Variants in CCDC66 observed in about 807,000 individuals in gnomAD.
CCDC66 encodes the protein coiled-coil domain containing 66.
In CCDC66, 133 loss-of-function variants were observed where a neutral mutation model predicts 128.3. That is an observed-to-expected ratio of 1.04 (90% CI 0.90 to 1.20). The LOEUF is 1.20. CCDC66 is among the 50% of genes most tolerant of loss of function. The probability of loss-of-function intolerance (pLI) is 0.00; values close to 1 mark genes in which losing one functional copy is unlikely to be tolerated. For missense variants in CCDC66, 1,126 were observed against 1,075.5 expected (o/e 1.05, Z -0.66); for synonymous variants, 387 against 357.0 (o/e 1.08, Z -0.95).
rs964260528 is a variant in CCDC66, at chr3:56,582,438, C to G, written c.937-10532C>G. On this transcript the variant is annotated intron_variant, in intron 7 of 17. Transcript: ENST00000394672. ...ATCCCCAGTGAGATGAACCTGGTAC[C>G]TCAGTTGGAAATGCAGAAATCACCT... Among the ~76,000 whole-genome samples the G allele has an allele frequency of 7.2e-5, 11 of 151,864 alleles. No individual in the cohort carries two copies. In the Admixed American group the frequency reaches 7.3e-4, roughly 10 times the overall value.
intron 10 of CCDC66, among the ~76,000 whole-genome samples, chr3:56,595,401 A>G (rs1178728804): frequency 6.6e-6 from 1 of 152,032 alleles, no homozygotes; most frequent in Admixed American, 6.6e-5. Context: ...TACCACCCTC[A>G]CACACACCCT....
chr3:56,578,041 C>T (rs143463103), intron 7 of CCDC66, among the ~76,000 whole-genome samples: 1,851 of 151,920 alleles, frequency 0.012, 49 homozygotes, highest in African/African-American at 0.042. Context: ...TTGATTCTTC[C>T]TATCCATGAG....
intron 10 of CCDC66, among the ~76,000 whole-genome samples, chr3:56,598,918 G>C (rs2072632189): frequency 6.6e-6 from 1 of 151,934 alleles, no homozygotes; most frequent in Non-Finnish European, 1.5e-5. Context: ...TTGGTATCAG[G>C]GTAATGCTGG....
rs752295003 is a variant in CCDC66, at chr3:56,593,012, G to A, written c.979G>A (p.Glu327Lys). Residue 327 changes from glutamate (E) to lysine (K), a missense_variant, in exon 8 of 18, where the codon GAA becomes AAA. Coordinates refer to ENST00000394672, the MANE Select transcript of CCDC66 (RefSeq NM_001141947.3). Reference sequence around the variant, plus strand: ...GCACCCTTTCAGTGCTGTGAAACAAGAACTGCAAAGAAAATGGATTGAAGA... The same window carrying A: ...GCACCCTTTCAGTGCTGTGAAACAAAAACTGCAAAGAAAATGGATTGAAGA... Reference protein sequence around the residue: ...LEHPFSAVKQELQRKWIEELN... With the variant: ...LEHPFSAVKQKLQRKWIEELN... 6.2e-7 allele frequency: 1 copy of A among 1,611,224 alleles called. No homozygotes were observed. Among genetic ancestry groups the A allele is most frequent in the Non-Finnish European group, 8.5e-7 (1 of 1,179,034 alleles).
At chr3:56,590,060 G>T (rs1399886205) in intron 7 of CCDC66, among the ~76,000 whole-genome samples, 1 of 152,078 alleles carries the variant, frequency 6.6e-6, no homozygotes, top group African/African-American at 2.4e-5. Context: ...TTGTAATCCA[G>T]TGTCCCGACA....
At chr3:56,558,415 G>T (rs1246425942) in intron 1 of CCDC66, among the ~76,000 whole-genome samples, 2 of 152,162 alleles carry the variant, frequency 1.3e-5, no homozygotes, top group African/African-American at 4.8e-5. Context: ...AACCTTGATG[G>T]CATTGTTAGT....
intron 16 of CCDC66, 54 bp downstream of exon 16, chr3:56,619,581 C>T (rs1355834874): frequency 3.0e-5 from 46 of 1,535,922 alleles, no homozygotes; most frequent in Non-Finnish European, 3.7e-5. Flanking sequence ...ATGTAAACCC[C>T]GTCAACAACT....
chr3:56,561,045 A>G, intron 3 of CCDC66: 1 of 427,862 alleles, frequency 2.3e-6, no homozygotes, highest in East Asian at 7.0e-5. Context: ...CACAAACTAC[A>G]TATAAAAATT....
chr3:56,594,171 C>A, intron 10 of CCDC66, 143 bp downstream of exon 10: 2 of 710,184 alleles, frequency 2.8e-6, no homozygotes, highest in African/African-American at 1.8e-5. Flanking sequence ...CAATCCCTAC[C>A]ACAACTGGCA....
At chr3:56,604,814 C>G (rs1559736805) in intron 10 of CCDC66, among the ~76,000 whole-genome samples, 1 of 151,930 alleles carries the variant, frequency 6.6e-6, no homozygotes, top group Non-Finnish European at 1.5e-5. Context: ...GAATGTTGGC[C>G]TGTCTTGCTA....
chr3:56,563,376 A>ATTG lies in CCDC66; in HGVS notation c.103-308_103-307insTTG, dbSNP rs2065373868. The ATTG allele has an allele frequency of 2.7e-5, 5 of 185,984 alleles. 1 individual carries two copies. The Middle Eastern group carries it at 5.3e-3, about 196-fold the overall frequency. 11.5% of individuals were successfully genotyped at this position (185,984 alleles called of 1,614,324 possible). ...ATGCTGTGTCAAAAAAAAGTAGTTA[A>ATTG]AAAAATTTTTTTAATTGAAAAAAAA... On this transcript the variant is annotated intron_variant, in intron 3 of 17. Coordinates refer to ENST00000394672, the MANE Select transcript of CCDC66 (RefSeq NM_001141947.3).
intron 7 of CCDC66, among the ~76,000 whole-genome samples, chr3:56,579,945 T>A (rs1411015159): frequency 6.6e-6 from 1 of 151,858 alleles, no homozygotes; most frequent in Admixed American, 6.6e-5. Context: ...CAGAGCTGAG[T>A]TCAATTCCTC....
chr3:56,615,378 T>A (rs1247905430), intron 12 of CCDC66, 106 bp downstream of exon 12: 17 of 1,110,950 alleles, frequency 1.5e-5, no homozygotes, highest in Middle Eastern at 2.3e-4. Context: ...TTGCACAGGC[T>A]AGAGTGCAGT....
At chr3:56,611,805 ACT>A (rs552134945) in intron 10 of CCDC66, among the ~76,000 whole-genome samples, 30 of 151,754 alleles carry the variant, frequency 2.0e-4, no homozygotes, top group African/African-American at 5.8e-4. Context: ...CTCTAACTTG[ACT>A]CAGCCCCAGG....
chr3:56,613,562 A>G (rs1428977858), intron 10 of CCDC66, 27 bp from the exon 11 acceptor site: 6 of 1,596,888 alleles, frequency 3.8e-6, no homozygotes, highest in African/African-American at 2.7e-5. Flanking sequence ...ATTTTTGACA[A>G]TGATTTACGT....
intron 15 of CCDC66, 190 bp from the exon 16 acceptor site, chr3:56,619,081 T>G: frequency 3.9e-6 from 2 of 510,000 alleles, no homozygotes; most frequent in East Asian, 3.5e-5. Context: ...AGCTGGGCAC[T>G]GTGGCGTGCG....
At chr3:56,561,103 TCA>T (rs1161903158) in intron 3 of CCDC66, 3 of 423,894 alleles carry the variant, frequency 7.1e-6, no homozygotes, top group African/African-American at 4.1e-5. Flanking sequence ...TGCTCCCCAA[TCA>T]CAGACTACAG....
intron 4 of CCDC66, among the ~76,000 whole-genome samples, chr3:56,565,731 A>G (rs757894366): frequency 2.0e-5 from 3 of 150,826 alleles, no homozygotes; most frequent in Non-Finnish European, 4.4e-5. Flanking sequence ...CAGTGGTGCG[A>G]TCTCGGCTCA....
intron 15 of CCDC66, 125 bp from the exon 16 acceptor site, chr3:56,619,146 A>G (rs899687193): frequency 9.3e-6 from 7 of 748,864 alleles, no homozygotes; most frequent in Non-Finnish European, 4.2e-6. Flanking sequence ...GTGAGCTGAG[A>G]TCGCGCCACT....
Sources: gnomAD v4.1 joint callset for allele counts (sites outside exome capture counted in the v4.1 genomes callset) on GRCh38, gnomAD v4.1.1 for gene constraint, MANE v1.5 for transcripts, NCBI Gene and HGNC (gene_info 2026-07-23, HGNC 2026-07-21) for gene names.